LRCH1: variants seen among roughly 807,000 people sequenced by gnomAD.
LRCH1 encodes leucine-rich repeat and calponin homology domain-containing protein 1.
In LRCH1, 23 loss-of-function variants were observed where a neutral mutation model predicts 94.9. The ratio of observed to expected loss-of-function variants is 0.24; its 90% CI spans 0.17 to 0.34. The LOEUF (loss-of-function observed/expected upper bound fraction) is 0.34. Ranked by LOEUF, LRCH1 falls within the 10% of genes least tolerant of loss-of-function variation. The pLI is 1.00. For synonymous variants in LRCH1, 364 were observed against 354.9 expected (o/e 1.03, Z -0.29); for missense variants, 790 against 945.9 (o/e 0.84, Z 2.16).
intron 1 of LRCH1, among the ~76,000 whole-genome samples, chr13:46,620,495 T>G (rs2050868004): frequency 6.6e-6 from 1 of 152,140 alleles, no homozygotes; most frequent in African/African-American, 2.4e-5. Flanking sequence ...TAGAGTAAAA[T>G]GAAAGTCTGT....
At chr13:46,714,186 C>T (rs1872208081) in intron 15 of LRCH1, among the ~76,000 whole-genome samples, 1 of 152,156 alleles carries the variant, frequency 6.6e-6, no homozygotes, top group East Asian at 1.9e-4. Context: ...AAGCTTCCAG[C>T]CTTTCTATAA....
chr13:46,634,631 G>A (rs2138051198), intron 1 of LRCH1, among the ~76,000 whole-genome samples: 1 of 152,316 alleles, frequency 6.6e-6, no homozygotes, highest in Middle Eastern at 3.4e-3. Context: ...AACCTTTGCA[G>A]AGTTGAGATA....
intron 1 of LRCH1, among the ~76,000 whole-genome samples, chr13:46,555,115 A>C (rs2050049611): frequency 6.6e-6 from 1 of 152,230 alleles, no homozygotes; most frequent in African/African-American, 2.4e-5. Context: ...AGGGATAGTC[A>C]GGAATCGGCA....
chr13:46,726,496 A>G (rs1872820913), intron 17 of LRCH1, among the ~76,000 whole-genome samples: 1 of 152,198 alleles, frequency 6.6e-6, no homozygotes, highest in African/African-American at 2.4e-5. Context: ...GCAAGACACA[A>G]AAGTTTTAGA....
intron 1 of LRCH1, among the ~76,000 whole-genome samples, chr13:46,643,457 G>A (rs187541133): frequency 1.4e-4 from 21 of 152,132 alleles, no homozygotes; most frequent in African/African-American, 5.1e-4. Context: ...TTTTAAAGAG[G>A]GACCAGACGT....
chr13:46,695,632 G>A (rs910278300), intron 9 of LRCH1, among the ~76,000 whole-genome samples: 1 of 152,188 alleles, frequency 6.6e-6, no homozygotes, highest in Non-Finnish European at 1.5e-5. Flanking sequence ...GTATGTTTCT[G>A]CCAGCCCTTT....
intron 4 of LRCH1, among the ~76,000 whole-genome samples, chr13:46,682,313 T>A (rs1167723272): frequency 6.6e-6 from 1 of 152,138 alleles, no homozygotes; most frequent in Non-Finnish European, 1.5e-5. Flanking sequence ...CATGTCTGTG[T>A]CCTAATCTCC....
At chr13:46,562,866 C>T (rs1408349765) in intron 1 of LRCH1, among the ~76,000 whole-genome samples, 3 of 152,152 alleles carry the variant, frequency 2.0e-5, no homozygotes, top group Non-Finnish European at 4.4e-5. Flanking sequence ...CCTGAGCCCT[C>T]GAATGTGCTG....
Position 46,553,291 on chromosome 13 carries a change from G to A in LRCH1, c.-106G>A. The A allele has an allele frequency of 1.1e-6, 1 of 876,264 alleles. No individual in the cohort carries two copies. The highest frequency in any genetic ancestry group is 1.7e-5 in the South Asian group (1 of 59,152). 54.3% of individuals were successfully genotyped at this position (876,264 alleles called of 1,614,324 possible). A position where few individuals can be genotyped will look rare whatever the true frequency, so the allele number is the denominator to read the frequency against. ...TCCTCCCCTCCTTCCAGCGCCTTTC[G>A]GTGGAGCACTGCGGCACTCAGCCCG... On this transcript the variant is annotated 5_prime_UTR_variant, in exon 1 of 20. Transcript: ENST00000389797.
At chr13:46,726,100 G>A (rs191421109) in intron 17 of LRCH1, among the ~76,000 whole-genome samples, 76 of 152,218 alleles carry the variant, frequency 5.0e-4, no homozygotes, top group African/African-American at 1.8e-3. Context: ...CCTTTCATAC[G>A]CTGTGATTCA....
intron 1 of LRCH1, among the ~76,000 whole-genome samples, chr13:46,578,871 G>T (rs1247944941): frequency 6.6e-6 from 1 of 152,126 alleles, no homozygotes; most frequent in South Asian, 2.1e-4. Flanking sequence ...GCACTCCCTG[G>T]TTGGCGGGAG....
chr13:46,585,216 G>A (rs1677421836), intron 1 of LRCH1, among the ~76,000 whole-genome samples: 1 of 152,162 alleles, frequency 6.6e-6, no homozygotes. Context: ...TTCAAAACAT[G>A]CTGAGTCTAC....
intron 9 of LRCH1, 40 bp from the exon 10 acceptor site, chr13:46,699,296 A>G: frequency 6.5e-7 from 1 of 1,542,046 alleles, no homozygotes; most frequent in South Asian, 1.1e-5. Context: ...ACTACTGAGT[A>G]GCCAATGGTT....
chr13:46,602,631 A>G (rs184204125), intron 1 of LRCH1, among the ~76,000 whole-genome samples: 68 of 152,264 alleles, frequency 4.5e-4, no homozygotes, highest in African/African-American at 1.5e-3. Flanking sequence ...CATTATTATT[A>G]TTTCCTAATT....
At chr13:46,662,704 AATATAT>A (rs758380849) in intron 2 of LRCH1, among the ~76,000 whole-genome samples, 1 of 151,912 alleles carries the variant, frequency 6.6e-6, no homozygotes, top group Admixed American at 6.6e-5. Context: ...CGTTGGGGGG[AATATAT>A]ATATATGAAT....
At chr13:46,644,622 G>A (rs2051198831) in intron 1 of LRCH1, among the ~76,000 whole-genome samples, 1 of 152,178 alleles carries the variant, frequency 6.6e-6, no homozygotes, top group African/African-American at 2.4e-5. Context: ...TGTAGATTTT[G>A]TAATATAGTT....
chr13:46,599,838 C>G (rs2050606815), intron 1 of LRCH1, among the ~76,000 whole-genome samples: 1 of 152,150 alleles, frequency 6.6e-6, no homozygotes, highest in African/African-American at 2.4e-5. Context: ...ACCATGAAGA[C>G]AGTTCAGGTT....
intron 1 of LRCH1, among the ~76,000 whole-genome samples, chr13:46,565,812 AAATAATAATAAT>A (rs3068690): frequency 3.4e-4 from 48 of 140,138 alleles, no homozygotes; most frequent in African/African-American, 9.4e-4. Context: ...TCTGTCTCCA[AAATAATAATAAT>A]AATAATAATA....
chr13:46,642,043 G>A (rs58980021), intron 1 of LRCH1, among the ~76,000 whole-genome samples: 2 of 152,162 alleles, frequency 1.3e-5, no homozygotes, highest in Admixed American at 6.5e-5. Context: ...CCAGCTCCAC[G>A]CTGCAGAGCC....
Sources: gnomAD v4.1 joint callset for allele counts (sites outside exome capture counted in the v4.1 genomes callset) on GRCh38, gnomAD v4.1.1 for gene constraint, MANE v1.5 for transcripts, NCBI Gene and HGNC (gene_info 2026-07-23, HGNC 2026-07-21) for gene names.